DNM3: variants seen among roughly 807,000 people sequenced by gnomAD.
DNM3 encodes dynamin-3.
DNM3 carries 47 observed loss-of-function variants against 101.6 expected under a neutral mutation model. That is an observed-to-expected ratio of 0.46 (90% confidence interval 0.37 to 0.59). The LOEUF is 0.59. Ranked by LOEUF, DNM3 falls within the 20% of genes least tolerant of loss-of-function variation. DNM3 has a pLI of 0.00. For synonymous variants in DNM3, 385 were observed against 387.9 expected (o/e 0.99, Z 0.09); for missense variants, 849 against 1,085.7 (o/e 0.78, Z 3.06).
rs1476286376 is a variant in DNM3 at position 172,021,064 on chromosome 1, T to G, written c.590-11338T>G. On this transcript the variant is annotated intron_variant, in intron 4 of 20. Transcript: ENST00000627582. ...TCTGTGATTTCACTTCACTGACAGATCTAAGAAGGGTTGGTTTTTCAGTTT... is the reference window on the plus strand; with the variant it reads ...TCTGTGATTTCACTTCACTGACAGAGCTAAGAAGGGTTGGTTTTTCAGTTT... Among the ~76,000 whole-genome samples the G allele has an allele frequency of 3.9e-5, 6 of 152,236 alleles. No individual in the cohort carries two copies. The East Asian group carries it at 1.2e-3, about 29-fold the overall frequency.
At chr1:172,285,995 G>A (rs948064277) in intron 15 of DNM3, among the ~76,000 whole-genome samples, 3 of 151,838 alleles carry the variant, frequency 2.0e-5, no homozygotes, top group African/African-American at 7.3e-5. Context: ...TGCCTTCTGG[G>A]ATAAGATGCT....
At chr1:172,338,002 C>T (rs1001269026) in intron 17 of DNM3, among the ~76,000 whole-genome samples, 2 of 151,428 alleles carry the variant, frequency 1.3e-5, no homozygotes, top group Admixed American at 6.6e-5. Context: ...CTGCAACCTC[C>T]ACCTCCCAGG....
At chr1:172,151,947 C>T (rs1005532403) in intron 14 of DNM3, among the ~76,000 whole-genome samples, 2 of 152,230 alleles carry the variant, frequency 1.3e-5, no homozygotes, top group East Asian at 1.9e-4. Context: ...GCAGTAATGG[C>T]GCACTGCAGC....
chr1:171,855,303 T>A (rs1412367358), intron 1 of DNM3, among the ~76,000 whole-genome samples: 1 of 152,230 alleles, frequency 6.6e-6, no homozygotes, highest in African/African-American at 2.4e-5. Flanking sequence ...GTTGATTCCA[T>A]GTCCTTGCTA....
At chr1:172,020,580 G>A (rs369838180) in intron 4 of DNM3, among the ~76,000 whole-genome samples, 142 of 151,866 alleles carry the variant, frequency 9.4e-4, no homozygotes, top group African/African-American at 3.3e-3. Context: ...AAAATTAGCC[G>A]GGCATGGTGG....
chr1:172,393,915 A>C (rs2069744709), intron 20 of DNM3: 1 of 152,544 alleles, frequency 6.6e-6, no homozygotes, highest in Non-Finnish European at 1.5e-5. Flanking sequence ...AATGTCATTA[A>C]TCATTTGTTG....
At chr1:172,062,196 T>A (rs1021471461) in intron 10 of DNM3, among the ~76,000 whole-genome samples, 5 of 152,204 alleles carry the variant, frequency 3.3e-5, no homozygotes, top group Non-Finnish European at 7.3e-5. Flanking sequence ...CCATTTTAAC[T>A]GCTCATTAAT....
intron 15 of DNM3, among the ~76,000 whole-genome samples, chr1:172,271,685 G>T (rs1573232674): frequency 6.6e-6 from 1 of 152,118 alleles, no homozygotes; most frequent in East Asian, 1.9e-4. Context: ...TGCAATGAGG[G>T]ATCTGAAATC....
At chr1:171,910,811 G>T (rs1184103963) in intron 1 of DNM3, among the ~76,000 whole-genome samples, 1 of 152,180 alleles carries the variant, frequency 6.6e-6, no homozygotes, top group East Asian at 1.9e-4. Flanking sequence ...CCTAAGAGAG[G>T]CTACATAGGA....
chr1:172,207,121 G>C (rs1485902138), intron 14 of DNM3, among the ~76,000 whole-genome samples: 1 of 152,080 alleles, frequency 6.6e-6, no homozygotes, highest in Non-Finnish European at 1.5e-5. Context: ...AGGTCAGAAG[G>C]AGAATAATTA....
intron 14 of DNM3, among the ~76,000 whole-genome samples, chr1:172,198,659 G>C (rs1301449362): frequency 6.6e-6 from 1 of 152,052 alleles, no homozygotes; most frequent in East Asian, 1.9e-4. Context: ...ATGTGTCCAG[G>C]AATTTATCTA....
At chr1:172,038,168 A>G (rs2049103979) in intron 6 of DNM3, 151 bp from the exon 7 acceptor site, 1 of 999,632 alleles carries the variant, frequency 1.0e-6, no homozygotes, top group African/African-American at 1.6e-5. Flanking sequence ...CTCCCTATCT[A>G]CATAATAGTC....
intron 13 of DNM3, among the ~76,000 whole-genome samples, chr1:172,103,799 G>C (rs959892108): frequency 6.6e-6 from 1 of 152,138 alleles, no homozygotes; most frequent in Non-Finnish European, 1.5e-5. Flanking sequence ...TCAGGAGATC[G>C]AGACCATCCT....
chr1:172,369,990 T>C (rs1197858098), intron 17 of DNM3, among the ~76,000 whole-genome samples: 2 of 151,916 alleles, frequency 1.3e-5, no homozygotes, highest in African/African-American at 2.4e-5. Flanking sequence ...ATCAGTTATA[T>C]TGGATTAGGG....
intron 1 of DNM3, among the ~76,000 whole-genome samples, chr1:171,861,275 G>A (rs538592831): frequency 1.7e-4 from 26 of 152,160 alleles, no homozygotes; most frequent in African/African-American, 6.0e-4. Flanking sequence ...GAGTTGCATA[G>A]GATTCAGAAT....
intron 1 of DNM3, among the ~76,000 whole-genome samples, chr1:171,859,244 T>C (rs1202275763): frequency 1.3e-5 from 2 of 152,240 alleles, no homozygotes; most frequent in Non-Finnish European, 2.9e-5. Flanking sequence ...ACTATTATTA[T>C]CTTGAATTTG....
At chr1:172,068,490 T>A (rs1426334752) in intron 10 of DNM3, among the ~76,000 whole-genome samples, 1 of 152,214 alleles carries the variant, frequency 6.6e-6, no homozygotes, top group East Asian at 1.9e-4. Flanking sequence ...TTCTTTGTCC[T>A]GTTTTCCGAC....
chr1:172,194,249 T>A (rs1432539218), intron 14 of DNM3, among the ~76,000 whole-genome samples: 5 of 152,154 alleles, frequency 3.3e-5, no homozygotes, highest in African/African-American at 1.2e-4. Context: ...AGTCTGTTGT[T>A]TTACATTTGC....
At chr1:172,381,941 A>T (rs1479965757) in intron 18 of DNM3, among the ~76,000 whole-genome samples, 1 of 152,166 alleles carries the variant, frequency 6.6e-6, no homozygotes, top group South Asian at 2.1e-4. Flanking sequence ...TGAAATGGGA[A>T]TGAAAAAGAA....
Sources: gnomAD v4.1 joint callset for allele counts (sites outside exome capture counted in the v4.1 genomes callset) on GRCh38, gnomAD v4.1.1 for gene constraint, MANE v1.5 for transcripts, NCBI Gene and HGNC (gene_info 2026-07-23, HGNC 2026-07-21) for gene names.